TENM2: variants seen among roughly 807,000 people sequenced by gnomAD.
The protein encoded by TENM2 is teneurin transmembrane protein 2.
Under a neutral mutation model 245.2 loss-of-function variants are expected in TENM2, and 52 were observed. That is an observed-to-expected ratio of 0.21 (90% CI 0.17 to 0.27). TENM2 has a LOEUF of 0.27. Among genes scored for constraint, TENM2 ranks in the 10% least tolerant of loss-of-function variants. The pLI is 1.00. For synonymous variants in TENM2, 1,363 were observed against 1,438.9 expected (o/e 0.95, Z 1.19); for missense variants, 3,046 against 3,666.8 (o/e 0.83, Z 4.37).
intron 2 of TENM2, among the ~76,000 whole-genome samples, chr5:167,609,465 C>A (rs1324046842): frequency 8.1e-6 from 1 of 123,172 alleles, no homozygotes; most frequent in Non-Finnish European, 1.6e-5. Context: ...TTGATTTCTG[C>A]CTTTTTTCTT....
intron 2 of TENM2, among the ~76,000 whole-genome samples, chr5:167,730,219 C>T (rs1162415747): frequency 1.3e-5 from 2 of 152,036 alleles, no homozygotes; most frequent in Non-Finnish European, 2.9e-5. Context: ...CTTGTGGTTT[C>T]CAAATAGTTG....
intron 3 of TENM2, among the ~76,000 whole-genome samples, chr5:167,923,976 G>A (rs974893075): frequency 1.1e-4 from 16 of 152,276 alleles, no homozygotes; most frequent in East Asian, 5.8e-4. Flanking sequence ...TTAATGCTTC[G>A]CAATTGTGCC....
chr5:167,136,580 C>A, the TENM2 span, among the ~76,000 whole-genome samples: 1 of 152,288 alleles, frequency 6.6e-6, no homozygotes, highest in South Asian at 2.1e-4. Flanking sequence ...AATTAAATTA[C>A]ATTTTGATCC....
At chr5:168,181,632 GTCT>G (rs1394555379) in intron 13 of TENM2, among the ~76,000 whole-genome samples, 5 of 150,360 alleles carry the variant, frequency 3.3e-5, no homozygotes, top group African/African-American at 4.9e-5. Flanking sequence ...CTTCCAACAG[GTCT>G]TCTTCCAGAA....
intron 2 of TENM2, among the ~76,000 whole-genome samples, chr5:167,569,666 A>G (rs1457490021): frequency 6.6e-6 from 1 of 152,242 alleles, no homozygotes; most frequent in Non-Finnish European, 1.5e-5. Flanking sequence ...AATTAGAGGC[A>G]ATGATAAGTC....
intron 3 of TENM2, among the ~76,000 whole-genome samples, chr5:167,910,635 T>C (rs1390268833): frequency 2.0e-5 from 3 of 152,234 alleles, no homozygotes; most frequent in Non-Finnish European, 4.4e-5. Flanking sequence ...TTCTTATTTA[T>C]TTCCTCCAAA....
At chr5:168,093,765 A>G (rs899911350) in intron 8 of TENM2, among the ~76,000 whole-genome samples, 1 of 152,160 alleles carries the variant, frequency 6.6e-6, no homozygotes, top group Non-Finnish European at 1.5e-5. Flanking sequence ...ATGTAAACAA[A>G]AAGGAAAACT....
chr5:167,673,388 T>C (rs1756091958), intron 2 of TENM2, among the ~76,000 whole-genome samples: 1 of 152,104 alleles, frequency 6.6e-6, no homozygotes, highest in South Asian at 2.1e-4. Flanking sequence ...AAAATAAGTT[T>C]GCTCAGTACT....
chr5:167,291,874 C>T (rs1210010825), intron 1 of TENM2, among the ~76,000 whole-genome samples: 1 of 152,164 alleles, frequency 6.6e-6, no homozygotes, highest in African/African-American at 2.4e-5. Flanking sequence ...GGTCCATTCT[C>T]ACACTGCTAA....
intron 27 of TENM2, among the ~76,000 whole-genome samples, chr5:168,259,054 C>T (rs558601542): frequency 6.6e-5 from 10 of 151,400 alleles, no homozygotes; most frequent in African/African-American, 2.4e-4. Context: ...GGCGTGGTGG[C>T]GGGCACCTGT....
chr5:167,873,941 T>G (rs1773197167), intron 2 of TENM2, among the ~76,000 whole-genome samples: 1 of 152,202 alleles, frequency 6.6e-6, no homozygotes, highest in Admixed American at 6.5e-5. Context: ...ACATTTAAGC[T>G]TTAAGAGTAT....
chr5:167,279,800 A>G (rs1388357218), upstream of TENM2, among the ~76,000 whole-genome samples: 1 of 151,902 alleles, frequency 6.6e-6, no homozygotes, highest in African/African-American at 2.4e-5. Context: ...TCTGTTTTCC[A>G]TTTGTTTCAA....
chr5:168,062,363 A>C, intron 7 of TENM2, 98 bp downstream of exon 9: 5 of 941,502 alleles, frequency 5.3e-6, no homozygotes, highest in South Asian at 3.4e-5. Context: ...CAATGCCTAT[A>C]ATTAAAAGAT....
chr5:167,688,967 G>C (rs1444849153), intron 2 of TENM2, among the ~76,000 whole-genome samples: 1 of 152,098 alleles, frequency 6.6e-6, no homozygotes, highest in East Asian at 1.9e-4. Flanking sequence ...TCCATTATAA[G>C]CAACGGGGCA....
chr5:167,098,836 T>C, the TENM2 span, among the ~76,000 whole-genome samples: 1 of 152,208 alleles, frequency 6.6e-6, no homozygotes, highest in South Asian at 2.1e-4. Flanking sequence ...ATCAGCCTCG[T>C]GCATCAACTA....
At chr5:167,404,760 AT>A (rs1192112505) in intron 2 of TENM2, among the ~76,000 whole-genome samples, 1 of 152,134 alleles carries the variant, frequency 6.6e-6, no homozygotes, top group East Asian at 1.9e-4. Flanking sequence ...CCTGCGACTT[AT>A]TTTTTGTAAC....
chr5:168,091,864 C>T (rs901356463), intron 8 of TENM2, among the ~76,000 whole-genome samples: 12 of 152,348 alleles, frequency 7.9e-5, no homozygotes, highest in African/African-American at 2.6e-4. Context: ...TTCTTCCCCA[C>T]ATCTTAACTG....
rs116749824 is a variant in TENM2, at chr5:167,655,118, T to G, written c.503-220868T>G. ...TTTGCGCTAGTGTTGGTTCACTGGTTGTAAGCAACAGAAACTGACTTCAAA... is the reference window on the plus strand; with the variant it reads ...TTTGCGCTAGTGTTGGTTCACTGGTGGTAAGCAACAGAAACTGACTTCAAA... On this transcript the variant is annotated intron_variant, in intron 2 of 28. Transcript: ENST00000518659. 7.4e-3 allele frequency among the ~76,000 whole-genome samples: 1,128 copies of G among 152,258 alleles called. 14 individuals are homozygous for G. The highest frequency in any genetic ancestry group is 0.026 in the African/African-American group (1,062 of 41,556).
chr5:167,703,096 A>G (rs1037954897), intron 2 of TENM2, among the ~76,000 whole-genome samples: 5 of 152,200 alleles, frequency 3.3e-5, no homozygotes, highest in African/African-American at 1.2e-4. Context: ...TCATACCTAC[A>G]TTCATATAGA....
Sources: gnomAD v4.1 joint callset for allele counts (sites outside exome capture counted in the v4.1 genomes callset) on GRCh38, gnomAD v4.1.1 for gene constraint, MANE v1.5 for transcripts, NCBI Gene and HGNC (gene_info 2026-07-23, HGNC 2026-07-21) for gene names.